The following ZNF804B variants were observed in gnomAD, a reference collection of about 807,000 sequenced individuals.
The protein encoded by ZNF804B is zinc finger protein 804B.
ZNF804B carries 80 observed loss-of-function variants against 101.4 expected under a neutral mutation model. That is an observed-to-expected ratio of 0.79 (90% CI 0.66 to 0.95). ZNF804B has a LOEUF of 0.95. Ranked by LOEUF, ZNF804B falls within the 40% of genes least tolerant of loss-of-function variation. The pLI, the probability that ZNF804B is intolerant of heterozygous loss-of-function variation, is 0.00. For synonymous variants in ZNF804B, 622 were observed against 558.8 expected (o/e 1.11, Z -1.59); for missense variants, 1,673 against 1,561.9 (o/e 1.07, Z -1.20).
chr7:89,123,968 A>C (rs7802386), intron 1 of ZNF804B, among the ~76,000 whole-genome samples: 133,978 of 152,168 alleles, frequency 0.88, 59,211 homozygotes, highest in African/African-American at 0.97. Context: ...GAAACACAAC[A>C]AAGTGCAAAC....
At chr7:89,309,759 C>CAAAAAAAAAAAAAAAA (rs397791531) in intron 2 of ZNF804B, among the ~76,000 whole-genome samples, 5 of 70,790 alleles carry the variant, frequency 7.1e-5, no homozygotes, top group African/African-American at 3.2e-4. Flanking sequence ...GACCCTGTCT[C>CAAAAAAAAAAAAAAAA]AAAAAAAAAA....
At chr7:89,218,715 T>C (rs1415220952) in intron 2 of ZNF804B, among the ~76,000 whole-genome samples, 1 of 152,166 alleles carries the variant, frequency 6.6e-6, no homozygotes, top group Non-Finnish European at 1.5e-5. Flanking sequence ...AATCCATTAA[T>C]GCATGTTTTA....
rs913056397 is a variant in ZNF804B at position 89,156,062 on chromosome 7, T to C, written c.109-62093T>C. On this transcript the variant is annotated intron_variant, in intron 1 of 3. Coordinates refer to ENST00000333190, the MANE Select transcript of ZNF804B (RefSeq NM_181646.5). ...TTTCTTTCTTTCTTTCTTTCTTTCT[T>C]TCTTTCTTTCTCTCTTTCTCTCTTT... 7.7e-3 allele frequency among the ~76,000 whole-genome samples: 537 copies of C among 70,034 alleles called. 14 individuals carry two copies. Among genetic ancestry groups the C allele is most frequent in the Non-Finnish European group, 0.011 (315 of 28,890 alleles). 45.9% of individuals were successfully genotyped at this position (70,034 alleles called of 152,430 possible). A position where few individuals can be genotyped will look rare whatever the true frequency, so the allele number is the denominator to read the frequency against.
chr7:89,079,165 A>G (rs185899164), intron 1 of ZNF804B, among the ~76,000 whole-genome samples: 229 of 152,186 alleles, frequency 1.5e-3, no homozygotes, highest in African/African-American at 5.1e-3. Context: ...TAGAGGCACC[A>G]TTTGTGAATG....
chr7:88,874,017 G>A (rs1223893545), intron 1 of ZNF804B, among the ~76,000 whole-genome samples: 1 of 152,160 alleles, frequency 6.6e-6, no homozygotes. Flanking sequence ...AAAGTCTTTG[G>A]TAGTTTGATG....
chr7:88,945,186 T>A (rs548287483), intron 1 of ZNF804B, among the ~76,000 whole-genome samples: 19 of 152,246 alleles, frequency 1.2e-4, no homozygotes, highest in African/African-American at 3.8e-4. Context: ...TGAATGGTAT[T>A]GCCTAGGTTT....
At chr7:88,877,047 ATATTTTTT>A (rs1791962144) in intron 1 of ZNF804B, among the ~76,000 whole-genome samples, 4 of 28,776 alleles carry the variant, frequency 1.4e-4, no homozygotes, top group African/African-American at 2.1e-4. Flanking sequence ...ATATATATAT[ATATTTTTT>A]TTTTTTTTTT....
At chr7:89,239,740 G>A (rs895346057) in intron 2 of ZNF804B, among the ~76,000 whole-genome samples, 5 of 151,352 alleles carry the variant, frequency 3.3e-5, no homozygotes, top group Admixed American at 6.6e-5. Context: ...TAGAAGTTTC[G>A]CCTATAATTT....
chr7:89,025,357 T>G (rs556185326), intron 1 of ZNF804B, among the ~76,000 whole-genome samples: 1 of 152,268 alleles, frequency 6.6e-6, no homozygotes, highest in Non-Finnish European at 1.5e-5. Flanking sequence ...ATTAGCTTAT[T>G]AATTTTTTAT....
At chr7:88,919,849 C>G (rs1562831936) in intron 1 of ZNF804B, among the ~76,000 whole-genome samples, 1 of 152,076 alleles carries the variant, frequency 6.6e-6, no homozygotes, top group Non-Finnish European at 1.5e-5. Flanking sequence ...CTAATCATTA[C>G]ACAGTTCAGT....
chr7:88,860,428 C>A (rs1349508469), intron 1 of ZNF804B, among the ~76,000 whole-genome samples: 1 of 151,946 alleles, frequency 6.6e-6, no homozygotes, highest in Non-Finnish European at 1.5e-5. Flanking sequence ...GATTTATTTG[C>A]ATATTTTTAT....
intron 1 of ZNF804B, among the ~76,000 whole-genome samples, chr7:88,868,996 AT>A (rs1469152282): frequency 6.6e-6 from 1 of 152,096 alleles, no homozygotes; most frequent in Non-Finnish European, 1.5e-5. Context: ...CCACATATTT[AT>A]TTTATTTTTA....
intron 1 of ZNF804B, among the ~76,000 whole-genome samples, chr7:89,155,749 A>G (rs565676632): frequency 7.2e-5 from 11 of 152,254 alleles, no homozygotes; most frequent in Middle Eastern, 3.4e-3. Flanking sequence ...GTGTCTTTAT[A>G]TCATTGCCCA....
chr7:88,890,952 G>T (rs529806849), intron 1 of ZNF804B, among the ~76,000 whole-genome samples: 68 of 151,954 alleles, frequency 4.5e-4, no homozygotes, highest in Non-Finnish European at 8.1e-4. Flanking sequence ...ACTTTTTTCA[G>T]TTCTCATCAA....
chr7:89,046,168 G>GC (rs1554358781), intron 1 of ZNF804B, among the ~76,000 whole-genome samples: 9 of 151,414 alleles, frequency 5.9e-5, no homozygotes, highest in African/African-American at 2.2e-4. Flanking sequence ...GAAGAAGGGT[G>GC]TTTTTTTTCC....
At chr7:88,871,982 A>G (rs1791830829) in intron 1 of ZNF804B, among the ~76,000 whole-genome samples, 1 of 152,108 alleles carries the variant, frequency 6.6e-6, no homozygotes, top group African/African-American at 2.4e-5. Flanking sequence ...AAAAAAGTGA[A>G]AACTGAAGTG....
At chr7:89,013,673 A>G (rs1788497747) in intron 1 of ZNF804B, among the ~76,000 whole-genome samples, 1 of 152,196 alleles carries the variant, frequency 6.6e-6, no homozygotes. Flanking sequence ...ATTTGAAATT[A>G]TATATAATTG....
intron 2 of ZNF804B, among the ~76,000 whole-genome samples, chr7:89,225,474 C>T (rs1284316675): frequency 6.6e-6 from 1 of 152,128 alleles, no homozygotes; most frequent in African/African-American, 2.4e-5. Context: ...CTATTAGCCA[C>T]TGTGTCTCTA....
intron 1 of ZNF804B, among the ~76,000 whole-genome samples, chr7:89,030,617 T>A (rs1252120861): frequency 6.6e-6 from 1 of 152,168 alleles, no homozygotes; most frequent in Non-Finnish European, 1.5e-5. Context: ...CTTTTTTTGG[T>A]CCAGCCTCAT....
Sources: gnomAD v4.1 joint callset for allele counts (sites outside exome capture counted in the v4.1 genomes callset) on GRCh38, gnomAD v4.1.1 for gene constraint, MANE v1.5 for transcripts, NCBI Gene and HGNC (gene_info 2026-07-23, HGNC 2026-07-21) for gene names.